The following DPF3 variants were observed in gnomAD, a reference collection of about 807,000 sequenced individuals.
DPF3 encodes the protein double PHD fingers 3.
In DPF3, 18 loss-of-function variants were observed where a neutral mutation model predicts 56.8. That is an observed-to-expected ratio of 0.32 (90% CI 0.22 to 0.47). The LOEUF (loss-of-function observed/expected upper bound fraction) is 0.47. Among genes scored for constraint, DPF3 ranks in the 20% least tolerant of loss-of-function variants. DPF3 has a pLI of 1.00. For synonymous variants in DPF3, 188 were observed against 180.2 expected, an observed-to-expected ratio of 1.04 and a Z score of -0.35; for missense variants, 403 against 488.8, an observed-to-expected ratio of 0.82 and a Z score of 1.65.
At chr14:72,647,024 C>G (rs1027532788) in intron 8 of DPF3, among the ~76,000 whole-genome samples, 1 of 152,310 alleles carries the variant, frequency 6.6e-6, no homozygotes, top group East Asian at 1.9e-4. Context: ...CAGCAAGCTG[C>G]TCTATAATGC....
intron 3 of DPF3, among the ~76,000 whole-genome samples, chr14:72,740,732 C>G (rs1389701291): frequency 3.9e-5 from 6 of 152,208 alleles, no homozygotes; most frequent in African/African-American, 1.4e-4. Context: ...CATGGTTTAA[C>G]AGGTGTAGTA....
At chr14:72,665,199 G>T (rs1886394163) in intron 8 of DPF3, among the ~76,000 whole-genome samples, 1 of 152,056 alleles carries the variant, frequency 6.6e-6, no homozygotes, top group Non-Finnish European at 1.5e-5. Flanking sequence ...GCTCTTACAT[G>T]ATTTTAACTA....
intron 1 of DPF3, among the ~76,000 whole-genome samples, chr14:72,817,012 C>A (rs939194717): frequency 2.6e-5 from 4 of 152,202 alleles, no homozygotes; most frequent in African/African-American, 9.6e-5. Context: ...TCACCAGCAA[C>A]CATTTTCATT....
intron 1 of DPF3, among the ~76,000 whole-genome samples, chr14:72,842,427 C>T (rs957333359): frequency 6.6e-6 from 1 of 152,170 alleles, no homozygotes; most frequent in Non-Finnish European, 1.5e-5. Flanking sequence ...CCACAGCCAA[C>T]GCTGGGTGAA....
intron 8 of DPF3, among the ~76,000 whole-genome samples, chr14:72,672,725 A>G (rs953673953): frequency 6.6e-6 from 1 of 152,140 alleles, no homozygotes; most frequent in African/African-American, 2.4e-5. Context: ...CTCTTTTGTA[A>G]GAAAGGAAGG....
intron 7 of DPF3, among the ~76,000 whole-genome samples, chr14:72,680,011 T>C (rs978362398): frequency 3.9e-5 from 6 of 151,934 alleles, no homozygotes; most frequent in African/African-American, 1.2e-4. Context: ...TAGCCTTTAA[T>C]GAGGGCTGCG....
intron 1 of DPF3, among the ~76,000 whole-genome samples, chr14:72,884,953 T>TATATATATATATATATACATATATAC (rs1555516753): frequency 1.4e-5 from 1 of 73,780 alleles, no homozygotes; most frequent in Non-Finnish European, 2.9e-5. Context: ...TATATATATA[T>TATATATATATATATATACATATATAC]ATATATATAT....
chr14:72,625,068 C>T (rs1163364789), intron 9 of DPF3, among the ~76,000 whole-genome samples: 1 of 152,024 alleles, frequency 6.6e-6, no homozygotes, highest in Non-Finnish European at 1.5e-5. Flanking sequence ...AGATTATCTC[C>T]TCAACAAGAG....
intron 2 of DPF3, among the ~76,000 whole-genome samples, chr14:72,769,938 A>AT (rs1891451798): frequency 6.6e-6 from 1 of 152,314 alleles, no homozygotes; most frequent in Non-Finnish European, 1.5e-5. Flanking sequence ...TGCCTTTCAT[A>AT]TGTGAACTGT....
chr14:72,790,705 T>A (rs1325659995), intron 1 of DPF3, among the ~76,000 whole-genome samples: 2 of 152,098 alleles, frequency 1.3e-5, no homozygotes, highest in Non-Finnish European at 1.5e-5. Flanking sequence ...CCTGAGTCCA[T>A]GATATTAAGC....
intron 8 of DPF3, chr14:72,661,670 T>C (rs1886218216): frequency 6.1e-6 from 6 of 985,424 alleles, no homozygotes; most frequent in South Asian, 4.7e-5. Flanking sequence ...CCGTCTTCCT[T>C]GGCTCCCACC....
At chr14:72,796,083 T>TCTCAGGTG (rs1283061737) in intron 1 of DPF3, among the ~76,000 whole-genome samples, 1 of 152,206 alleles carries the variant, frequency 6.6e-6, no homozygotes, top group South Asian at 2.1e-4. Flanking sequence ...TACTGAAATC[T>TCTCAGGTG]CTCAGGTGAA....
intron 1 of DPF3, among the ~76,000 whole-genome samples, chr14:72,809,210 C>T (rs1394258629): frequency 2.0e-5 from 3 of 152,236 alleles, no homozygotes; most frequent in Non-Finnish European, 2.9e-5. Flanking sequence ...TCTCAGCCTG[C>T]AGAACCATAA....
chr14:72,655,431 G>A (rs2107686), intron 8 of DPF3, among the ~76,000 whole-genome samples: 1 of 152,220 alleles, frequency 6.6e-6, no homozygotes, highest in Admixed American at 6.5e-5. Flanking sequence ...TCCAAGTCCT[G>A]TGAGCAATTA....
chr14:72,846,600 T>C (rs1199563773), intron 1 of DPF3, among the ~76,000 whole-genome samples: 2 of 151,514 alleles, frequency 1.3e-5, no homozygotes, highest in Non-Finnish European at 2.9e-5. Flanking sequence ...CCTCCCAAAG[T>C]GCTGGGATTA....
chr14:72,838,581 G>A (rs1884399516), intron 1 of DPF3, among the ~76,000 whole-genome samples: 1 of 151,880 alleles, frequency 6.6e-6, no homozygotes, highest in South Asian at 2.1e-4. Flanking sequence ...TAGTGGCCAG[G>A]CACAGTAACT....
intron 8 of DPF3, among the ~76,000 whole-genome samples, chr14:72,638,553 A>G (rs975896687): frequency 2.0e-5 from 3 of 152,220 alleles, no homozygotes; most frequent in African/African-American, 7.2e-5. Context: ...ATTGGTCAAC[A>G]CTTGATTGCC....
At chr14:72,815,925 C>A (rs1389178896) in intron 1 of DPF3, among the ~76,000 whole-genome samples, 1 of 152,196 alleles carries the variant, frequency 6.6e-6, no homozygotes, top group Non-Finnish European at 1.5e-5. Context: ...AGGACTTTAT[C>A]AAGGCACAGA....
At chr14:72,882,908 TAGG>T (rs1886374406) in intron 1 of DPF3, among the ~76,000 whole-genome samples, 1 of 152,146 alleles carries the variant, frequency 6.6e-6, no homozygotes, top group Non-Finnish European at 1.5e-5. Flanking sequence ...AACAAGGGTC[TAGG>T]AGAAGAAACA....
Sources: allele counts gnomAD v4.1 joint callset (sites outside exome capture counted in the v4.1 genomes callset), GRCh38; gene constraint gnomAD v4.1.1; transcripts MANE v1.5; gene names NCBI Gene and HGNC (gene_info 2026-07-23, HGNC 2026-07-21).